The following KCNIP1 variants were observed in gnomAD, a reference collection of about 807,000 sequenced individuals.
The protein encoded by KCNIP1 is potassium voltage-gated channel interacting protein 1, also known as A-type potassium channel modulatory protein KCNIP1.
In KCNIP1, 18 loss-of-function variants were observed where a neutral mutation model predicts 33.0. The observed-to-expected ratio is 0.55, with a 90% CI of 0.38 to 0.81. The LOEUF (loss-of-function observed/expected upper bound fraction) is 0.81, where lower values mean the gene tolerates loss of function less well. Among genes scored for constraint, KCNIP1 ranks in the 30% least tolerant of loss-of-function variants. KCNIP1 has a pLI of 0.00. For missense variants in KCNIP1, 238 were observed against 271.6 expected (o/e 0.88, Z 0.87); for synonymous variants, 93 against 98.3 (o/e 0.95, Z 0.32).
intron 1 of KCNIP1, among the ~76,000 whole-genome samples, chr5:170,480,638 C>G (rs1756956308): frequency 6.6e-6 from 1 of 151,788 alleles, no homozygotes; most frequent in African/African-American, 2.4e-5. Context: ...GAGATGGGGT[C>G]TCTCCATATT....
intron 1 of KCNIP1, among the ~76,000 whole-genome samples, chr5:170,596,405 G>A (rs775208211): frequency 1.3e-5 from 2 of 152,302 alleles, no homozygotes; most frequent in East Asian, 1.9e-4. Flanking sequence ...AGAGACCCAC[G>A]CCAGACTGCA....
intron 1 of KCNIP1, among the ~76,000 whole-genome samples, chr5:170,457,903 G>A (rs1011824125): frequency 6.6e-6 from 1 of 152,180 alleles, no homozygotes; most frequent in Non-Finnish European, 1.5e-5. Context: ...AATCAGGAAG[G>A]CACCAGTGAA....
At chr5:170,524,691 C>T (rs891517040) in intron 1 of KCNIP1, among the ~76,000 whole-genome samples, 10 of 144,630 alleles carry the variant, frequency 6.9e-5, no homozygotes, top group East Asian at 4.5e-4. Context: ...TGGTATGGGG[C>T]GGGGCGGGAA....
intron 2 of KCNIP1, among the ~76,000 whole-genome samples, chr5:170,719,141 C>G (rs532068238): frequency 4.6e-5 from 7 of 152,272 alleles, no homozygotes; most frequent in Middle Eastern, 6.8e-3. Flanking sequence ...GGAATTCACC[C>G]TGGCCCAGGG....
intron 1 of KCNIP1, among the ~76,000 whole-genome samples, chr5:170,443,264 C>G (rs753070527): frequency 8.4e-5 from 12 of 142,198 alleles, no homozygotes; most frequent in Non-Finnish European, 1.4e-4. Flanking sequence ...TGACTATTTA[C>G]TGAGAGAGGC....
chr5:170,568,519 TGA>T (rs1561691416), intron 1 of KCNIP1, among the ~76,000 whole-genome samples: 1 of 151,652 alleles, frequency 6.6e-6, no homozygotes, highest in African/African-American at 2.4e-5. Context: ...ACTCAGACTA[TGA>T]GAAAGTTCAT....
At chr5:170,383,975 C>G (rs1013977887) in intron 1 of KCNIP1, 1 of 922,320 alleles carries the variant, frequency 1.1e-6, no homozygotes, top group African/African-American at 1.7e-5. Context: ...CTCATCTTGT[C>G]TTCAGCATCC....
intron 1 of KCNIP1, among the ~76,000 whole-genome samples, chr5:170,676,915 C>T (rs537689787): frequency 1.3e-5 from 2 of 152,284 alleles, no homozygotes; most frequent in Middle Eastern, 3.4e-3. Context: ...CAGCTGAAAA[C>T]ATTTGCCTGG....
At chr5:170,698,835 C>CT (rs1762990020) in intron 1 of KCNIP1, among the ~76,000 whole-genome samples, 1 of 152,132 alleles carries the variant, frequency 6.6e-6, no homozygotes, top group Non-Finnish European at 1.5e-5. Context: ...TGACAAGAGC[C>CT]TTGTAAAGTA....
At chr5:170,439,626 A>T (rs1417187246) in intron 1 of KCNIP1, among the ~76,000 whole-genome samples, 1 of 152,176 alleles carries the variant, frequency 6.6e-6, no homozygotes, top group Non-Finnish European at 1.5e-5. Context: ...CCTTGGGAGC[A>T]GTGGCAGGCT....
At chr5:170,688,850 T>G (rs188180452) in intron 1 of KCNIP1, among the ~76,000 whole-genome samples, 3 of 152,262 alleles carry the variant, frequency 2.0e-5, no homozygotes, top group South Asian at 2.1e-4. Flanking sequence ...GGGCTGATCC[T>G]ATGGAAGCAC....
At chr5:170,390,142 C>T (rs1363727420) in intron 1 of KCNIP1, among the ~76,000 whole-genome samples, 3 of 141,260 alleles carry the variant, frequency 2.1e-5, no homozygotes, top group East Asian at 2.0e-4. Context: ...TGAATGTCAG[C>T]ATTTGCAGGC....
chr5:170,704,850 C>T (rs535751921), intron 1 of KCNIP1, among the ~76,000 whole-genome samples: 1 of 152,310 alleles, frequency 6.6e-6, no homozygotes, highest in African/African-American at 2.4e-5. Context: ...TGGGGGGATG[C>T]CTTCATGGTA....
At chr5:170,605,404 AT>A (rs1421564269) in intron 1 of KCNIP1, among the ~76,000 whole-genome samples, 1 of 152,172 alleles carries the variant, frequency 6.6e-6, no homozygotes, top group Non-Finnish European at 1.5e-5. Flanking sequence ...GCCCATCTTA[AT>A]TTTTTTACTG....
At chr5:170,506,233 T>TCC (rs1754711652) in intron 1 of KCNIP1, among the ~76,000 whole-genome samples, 1 of 151,986 alleles carries the variant, frequency 6.6e-6, no homozygotes, top group Non-Finnish European at 1.5e-5. Flanking sequence ...TGGGTGTGAA[T>TCC]CCCAGCTCCA....
intron 1 of KCNIP1, among the ~76,000 whole-genome samples, chr5:170,555,073 C>T (rs1400114960): frequency 3.3e-5 from 5 of 152,158 alleles, no homozygotes; most frequent in East Asian, 1.9e-4. Flanking sequence ...AGCAGAATCA[C>T]GTTCGTTCCC....
chr5:170,717,124 G>A (rs1413971696), intron 1 of KCNIP1, among the ~76,000 whole-genome samples: 1 of 152,074 alleles, frequency 6.6e-6, no homozygotes, highest in Non-Finnish European at 1.5e-5. Flanking sequence ...AAATAAAAAT[G>A]CTTTTAGATC....
intron 1 of KCNIP1, among the ~76,000 whole-genome samples, chr5:170,505,180 G>A (rs1199299435): frequency 2.0e-5 from 3 of 152,206 alleles, no homozygotes; most frequent in South Asian, 2.1e-4. Context: ...GTGGCTCCGG[G>A]AGTCAGGAGG....
chr5:170,368,325 C>T (rs1436586407), intron 1 of KCNIP1, among the ~76,000 whole-genome samples: 3 of 152,074 alleles, frequency 2.0e-5, no homozygotes, highest in South Asian at 2.1e-4. Flanking sequence ...AGTGCAGTGG[C>T]GCAATCTCAG....
Sources: gnomAD v4.1 joint callset for allele counts (sites outside exome capture counted in the v4.1 genomes callset) on GRCh38, gnomAD v4.1.1 for gene constraint, MANE v1.5 for transcripts, NCBI Gene and HGNC (gene_info 2026-07-23, HGNC 2026-07-21) for gene names.